Variants in AKAP6 observed in about 807,000 individuals in gnomAD.
AKAP6 encodes the protein A-kinase anchor protein 6.
Under a neutral mutation model 188.5 loss-of-function variants are expected in AKAP6, and 58 were observed. That is an observed-to-expected ratio of 0.31 (90% CI 0.25 to 0.38). The LOEUF (loss-of-function observed/expected upper bound fraction) is 0.38. Among genes scored for constraint, AKAP6 ranks in the 10% least tolerant of loss-of-function variants. The pLI, the probability that AKAP6 is intolerant of heterozygous loss-of-function variation, is 1.00. For synonymous variants in AKAP6, 989 were observed against 998.6 expected, an observed-to-expected ratio of 0.99 and a Z score of 0.18; for missense variants, 2,710 against 2,740.0, an observed-to-expected ratio of 0.99 and a Z score of 0.24.
rs976008400 is a variant in AKAP6 at position 32,380,295 on chromosome 14, G to A, written c.-35+50887G>A. Among the ~76,000 whole-genome samples, 11 of 152,206 alleles carry A rather than the reference G, an allele frequency of 7.2e-5. No individual in the cohort carries two copies. The East Asian group carries it at 1.2e-3, about 16-fold the overall frequency. On this transcript the variant is annotated intron_variant, in intron 1 of 13. Transcript: ENST00000280979. ...ACTTCCCCTTTTCTGAGTTCCCACC[G>A]GCCCCCCGTTCTTTCCTTACTTGTA...
intron 7 of AKAP6, among the ~76,000 whole-genome samples, chr14:32,607,700 G>A (rs1886179353): frequency 6.6e-6 from 1 of 152,130 alleles, no homozygotes; most frequent in Non-Finnish European, 1.5e-5. Flanking sequence ...TCTTAATTAG[G>A]ATGTTAGCAG....
At chr14:32,559,638 C>A (rs1883846774) in intron 4 of AKAP6, among the ~76,000 whole-genome samples, 1 of 152,102 alleles carries the variant, frequency 6.6e-6, no homozygotes, top group African/African-American at 2.4e-5. Context: ...AAATTACAAT[C>A]ACTGGGAAGC....
chr14:32,814,155 C>T (rs894638676), intron 12 of AKAP6, among the ~76,000 whole-genome samples: 22 of 152,236 alleles, frequency 1.4e-4, no homozygotes, highest in African/African-American at 5.3e-4. Context: ...TTTCTTCATG[C>T]ACTGGCCTCT....
At chr14:32,673,300 G>C (rs563861506) in intron 7 of AKAP6, among the ~76,000 whole-genome samples, 1 of 152,288 alleles carries the variant, frequency 6.6e-6, no homozygotes, top group African/African-American at 2.4e-5. Flanking sequence ...GACACTTGTA[G>C]TTATCTGTTG....
In AKAP6 at chr14:32,650,072, T is replaced by C. The variant is rs528967950; in HGVS notation, c.2731-28239T>C. Among the ~76,000 whole-genome samples the C allele has an allele frequency of 3.3e-5, 5 of 152,306 alleles. No individual in the cohort carries two copies. The East Asian group carries it at 7.7e-4, about 24-fold the overall frequency. On this transcript the variant is annotated intron_variant, in intron 7 of 13. Transcript: ENST00000280979. ...TTTGGATTTTTATTTTAATTTTGTA[T>C]ATTTGAGTTTGTCTCACAGCTATAA...
At chr14:32,519,113 G>A (rs1881680800) in intron 2 of AKAP6, among the ~76,000 whole-genome samples, 1 of 152,090 alleles carries the variant, frequency 6.6e-6, no homozygotes, top group Non-Finnish European at 1.5e-5. Flanking sequence ...AAGTGAAGGA[G>A]AAATAAAATC....
intron 5 of AKAP6, among the ~76,000 whole-genome samples, chr14:32,588,410 A>G (rs17099336): frequency 1.3e-5 from 2 of 152,180 alleles, no homozygotes; most frequent in African/African-American, 2.4e-5. Flanking sequence ...TGTAACACCA[A>G]TTGAGAGTTT....
chr14:32,827,404 A>G (rs1280529282), intron 13 of AKAP6, among the ~76,000 whole-genome samples: 1 of 151,834 alleles, frequency 6.6e-6, no homozygotes, highest in Admixed American at 6.6e-5. Flanking sequence ...TTATAATGCC[A>G]CCCAGAAGAG....
At chr14:32,343,143 C>T (rs1274214371) in intron 1 of AKAP6, among the ~76,000 whole-genome samples, 2 of 152,164 alleles carry the variant, frequency 1.3e-5, no homozygotes, top group Non-Finnish European at 2.9e-5. Context: ...GTTCAAATCT[C>T]AGTCCCACCC....
At chr14:32,664,767 T>C (rs1335580678) in intron 7 of AKAP6, among the ~76,000 whole-genome samples, 1 of 151,916 alleles carries the variant, frequency 6.6e-6, no homozygotes, top group Non-Finnish European at 1.5e-5. Context: ...TAGGGCCCCA[T>C]AGGAAGTCTC....
At chr14:32,527,230 T>A (rs1882176635) in intron 2 of AKAP6, among the ~76,000 whole-genome samples, 1 of 152,228 alleles carries the variant, frequency 6.6e-6, no homozygotes, top group Non-Finnish European at 1.5e-5. Flanking sequence ...CACTTAGTAA[T>A]ATACATTTAA....
At chr14:32,555,878 A>G (rs879880588) in intron 4 of AKAP6, among the ~76,000 whole-genome samples, 2 of 152,056 alleles carry the variant, frequency 1.3e-5, no homozygotes, top group Non-Finnish European at 2.9e-5. Context: ...ACCTTTGGCT[A>G]TTGTGAATAA....
intron 1 of AKAP6, among the ~76,000 whole-genome samples, chr14:32,379,297 T>C (rs1888266609): frequency 6.6e-6 from 1 of 152,200 alleles, no homozygotes; most frequent in Admixed American, 6.5e-5. Flanking sequence ...CATTAAATAC[T>C]TTGGAGCAAG....
intron 7 of AKAP6, among the ~76,000 whole-genome samples, chr14:32,649,527 G>T (rs1464587325): frequency 1.3e-5 from 2 of 152,036 alleles, no homozygotes; most frequent in African/African-American, 4.8e-5. Context: ...AAAGTGAAAA[G>T]TTACAATAAA....
intron 5 of AKAP6, among the ~76,000 whole-genome samples, chr14:32,588,001 T>C (rs1239266528): frequency 6.6e-6 from 1 of 152,182 alleles, no homozygotes; most frequent in East Asian, 1.9e-4. Flanking sequence ...ACTTCTATAA[T>C]TATGGAACTT....
In AKAP6 at chr14:32,823,346, A is replaced by G. The variant is rs1158585595; in HGVS notation, c.5533A>G (p.Ile1845Val). The change falls in exon 13 of 14, where the codon ATT (isoleucine) becomes GTT (valine). Residue 1845 changes from isoleucine (I) to valine (V), a missense_variant. Physicochemically the swap from Ile to Val is conservative, Grantham distance 29. Coordinates refer to ENST00000280979, the MANE Select transcript of AKAP6 (RefSeq NM_004274.5). ...GACCAATCCCTCTGATACTCTGAAT[A>G]TTGAGACCCTTCTAAATGGCTCTGT... ...EMTNPSDTLNIETLLNGSVKR... is the reference protein window; with the variant it reads ...EMTNPSDTLNVETLLNGSVKR... The G allele has an allele frequency of 6.2e-7, 1 of 1,613,838 alleles. No individual in the cohort carries two copies. The highest frequency in any genetic ancestry group is 8.5e-7 in the Non-Finnish European group (1 of 1,179,870).
At chr14:32,757,183 C>G (rs1328355199) in intron 11 of AKAP6, among the ~76,000 whole-genome samples, 1 of 152,194 alleles carries the variant, frequency 6.6e-6, no homozygotes, top group Non-Finnish European at 1.5e-5. Flanking sequence ...TTTCTTGTCT[C>G]TGTGCTACCC....
chr14:32,522,398 G>T (rs1041136111), intron 2 of AKAP6, among the ~76,000 whole-genome samples: 5 of 152,064 alleles, frequency 3.3e-5, no homozygotes, highest in Non-Finnish European at 7.4e-5. Context: ...AGAGTGAACA[G>T]GCAACCTACA....
intron 1 of AKAP6, among the ~76,000 whole-genome samples, chr14:32,350,908 G>T (rs1190966053): frequency 2.6e-5 from 4 of 152,036 alleles, no homozygotes; most frequent in Non-Finnish European, 4.4e-5. Context: ...AATAGCACAG[G>T]TAAATAGCTT....
Sources: allele counts gnomAD v4.1 joint callset (sites outside exome capture counted in the v4.1 genomes callset), GRCh38; gene constraint gnomAD v4.1.1; transcripts MANE v1.5; gene names NCBI Gene and HGNC (gene_info 2026-07-23, HGNC 2026-07-21).